Variants in FGD5 observed in about 807,000 individuals in gnomAD.
The protein encoded by FGD5 is FYVE, RhoGEF and PH domain containing 5, also known as FYVE, RhoGEF and PH domain-containing protein 5.
A neutral mutation model predicts 133.4 loss-of-function variants in FGD5; 28 were observed. That is an observed-to-expected ratio of 0.21 (90% CI 0.16 to 0.29). FGD5 has a LOEUF of 0.29. Among genes scored for constraint, FGD5 ranks in the 10% least tolerant of loss-of-function variants. FGD5 has a pLI of 1.00. For missense variants in FGD5, 1,858 were observed against 1,895.2 expected (o/e 0.98, Z 0.36); for synonymous variants, 810 against 776.5 (o/e 1.04, Z -0.72).
intron 1 of FGD5, among the ~76,000 whole-genome samples, chr3:14,823,332 C>T (rs2036540862): frequency 6.6e-6 from 1 of 152,308 alleles, no homozygotes; most frequent in East Asian, 1.9e-4. Context: ...ACCCGTCACT[C>T]CCAGAGCTGC....
At chr3:14,882,983 T>C (rs1356770700) in intron 4 of FGD5, among the ~76,000 whole-genome samples, 2 of 152,148 alleles carry the variant, frequency 1.3e-5, no homozygotes, top group East Asian at 3.9e-4. Flanking sequence ...TGTCCAGTGA[T>C]GAGGAGGAGC....
chr3:14,820,264 G>T lies in FGD5; in HGVS notation c.1193G>T (p.Gly398Val), dbSNP rs750025095. The T allele has an allele frequency of 1.1e-5, 17 of 1,604,494 alleles. No homozygotes were observed. The Admixed American group carries it at 2.5e-4, about 24-fold the overall frequency. Reference protein sequence around the residue: ...PMVGALCGQCGSLQGGAAEGP... With the variant: ...PMVGALCGQCVSLQGGAAEGP... ...GTGGGGGCTTTGTGTGGCCAGTGTG[G>T]CTCCCTACAGGGTGGAGCGGCCGAG... The change falls in exon 1 of 20, where the codon GGC (glycine) becomes GTC (valine). Residue 398 changes from glycine (G) to valine (V), a missense_variant. Around this residue, in one of 3 missense-constraint regions of FGD5, gnomAD observed 1,824 missense variants for 1,848.9 expected, o/e 0.99. Transcript: ENST00000285046.
intron 13 of FGD5, among the ~76,000 whole-genome samples, chr3:14,920,795 T>G (rs563079829): frequency 1.8e-4 from 27 of 152,166 alleles, no homozygotes; most frequent in African/African-American, 4.8e-4. Flanking sequence ...CCAGGTGAGG[T>G]GGAACTGGAG....
chr3:14,863,131 C>T (rs763535706), intron 1 of FGD5, among the ~76,000 whole-genome samples: 1 of 152,210 alleles, frequency 6.6e-6, no homozygotes, highest in Non-Finnish European at 1.5e-5. Flanking sequence ...TGCCATCCGT[C>T]AGTCATTCCA....
Position 14,922,352 on chromosome 3 carries a change from T to G in FGD5, c.3670-59T>G. Reference sequence around the variant, plus strand: ...ACGCAGGGCAGGGCTCACTGGGCTCTGCATCTGGCTGGTCTCCTGGCCACA... The same window carrying G: ...ACGCAGGGCAGGGCTCACTGGGCTCGGCATCTGGCTGGTCTCCTGGCCACA... On this transcript the variant is annotated intron_variant, in intron 14 of 19. Transcript: ENST00000285046. The surrounding 1 kb of genome is among the most constrained non-coding windows in gnomAD (Gnocchi z 4.1). The G allele has an allele frequency of 6.5e-7, 1 of 1,548,526 alleles. No individual in the cohort carries two copies. Among genetic ancestry groups the G allele is most frequent in the Non-Finnish European group, 8.7e-7 (1 of 1,144,876 alleles).
chr3:14,902,027 A>G (rs1389419060), intron 9 of FGD5, among the ~76,000 whole-genome samples: 1 of 152,044 alleles, frequency 6.6e-6, no homozygotes, highest in East Asian at 1.9e-4. Context: ...CACGCCTGTA[A>G]TCCCAGCACT....
intron 6 of FGD5, 111 bp from the exon 7 acceptor site, chr3:14,898,628 C>G (rs1339651282): frequency 5.9e-6 from 5 of 841,954 alleles, no homozygotes; most frequent in Admixed American, 2.3e-5. Context: ...GGGAGAAGTT[C>G]AGCTGGCCCG....
chr3:14,876,240 C>T (rs2037717120), intron 2 of FGD5, among the ~76,000 whole-genome samples: 1 of 152,170 alleles, frequency 6.6e-6, no homozygotes, highest in Admixed American at 6.5e-5. Context: ...GCCTCACTCC[C>T]CTGTAGCTCT....
Position 14,819,737 on chromosome 3 carries a change from C to T in FGD5, c.666C>T (p.Ala222=), listed in dbSNP as rs1350974764. 11 of 1,536,214 alleles carry T rather than the reference C, an allele frequency of 7.2e-6. No homozygotes were observed. Among genetic ancestry groups the T allele is most frequent in the Non-Finnish European group, 9.7e-6 (11 of 1,139,764 alleles). The part of the protein sequence containing the change: ...EAEEDDEEGC[A]STDPAGADEG... ...AGGAGGATGATGAGGAAGGCTGTGCCAGCACAGACCCAGCAGGGGCAGATG... is the reference window on the plus strand; with the variant it reads ...AGGAGGATGATGAGGAAGGCTGTGCTAGCACAGACCCAGCAGGGGCAGATG... The change falls in exon 1 of 20, where the codon GCC becomes GCT. Residue 222 remains alanine, a synonymous_variant. Transcript: ENST00000285046. This position sits in a 1 kb window ranked among gnomAD's most constrained non-coding sequence, Gnocchi z 4.1.
At chr3:14,868,950 G>A (rs915161491) in intron 2 of FGD5, among the ~76,000 whole-genome samples, 2 of 152,174 alleles carry the variant, frequency 1.3e-5, no homozygotes, top group Non-Finnish European at 2.9e-5. Flanking sequence ...GGGATGGAAG[G>A]TAAACCAGAA....
At chr3:14,927,093 C>A (rs1008594357) in intron 18 of FGD5, among the ~76,000 whole-genome samples, 1 of 152,158 alleles carries the variant, frequency 6.6e-6, no homozygotes, top group Admixed American at 6.5e-5. Flanking sequence ...GAAGAAATTG[C>A]TTTGGAGCCA....
At chr3:14,913,091 A>G (rs1392365986) in intron 11 of FGD5, among the ~76,000 whole-genome samples, 2 of 152,088 alleles carry the variant, frequency 1.3e-5, no homozygotes, top group South Asian at 2.1e-4. Flanking sequence ...GGGGCAGGTA[A>G]TGAGCCAGAC....
At chr3:14,891,133 A>G (rs2038017739) in intron 4 of FGD5, among the ~76,000 whole-genome samples, 1 of 152,174 alleles carries the variant, frequency 6.6e-6, no homozygotes, top group Non-Finnish European at 1.5e-5. Flanking sequence ...CTGGGATGCC[A>G]GGGCTCAGAA....
intron 1 of FGD5, among the ~76,000 whole-genome samples, chr3:14,811,118 G>C (rs112283521): frequency 6.6e-6 from 1 of 152,072 alleles, no homozygotes; most frequent in East Asian, 2.0e-4. Context: ...CGCCCTGGCC[G>C]TGCGCGCCAG....
At chr3:14,838,008 C>T (rs945920208) in intron 1 of FGD5, among the ~76,000 whole-genome samples, 1 of 152,216 alleles carries the variant, frequency 6.6e-6, no homozygotes, top group African/African-American at 2.4e-5. Context: ...TCAGCTGGGT[C>T]CTTTACTGAG....
chr3:14,836,125 C>T lies in FGD5; in HGVS notation c.2525+14529C>T, dbSNP rs542440753. 1.1e-4 allele frequency among the ~76,000 whole-genome samples: 16 copies of T among 152,276 alleles called. No homozygotes were observed. The South Asian group carries it at 2.9e-3, about 28-fold the overall frequency. ...CCATGCCACATGTTGCACAAGGAGC[C>T]GTGGTGAGAGCACGGAGACCCTGGG... On this transcript the variant is annotated intron_variant, in intron 1 of 19. Transcript: ENST00000285046.
At position 14,917,124 on chromosome 3, in the gene FGD5, C is replaced by T. The variant is rs1255377300; in HGVS notation, c.3406-125C>T. The T allele has an allele frequency of 1.2e-5, 9 of 779,876 alleles. No individual in the cohort carries two copies. Among genetic ancestry groups the T allele is most frequent in the African/African-American group, 7.1e-5 (4 of 56,476 alleles). 48.3% of individuals were successfully genotyped at this position (779,876 alleles called of 1,614,324 possible). A position where few individuals can be genotyped will look rare whatever the true frequency, so the allele number is the denominator to read the frequency against. ...ATTTTGGCCGCAACGTTTTTGCTCACCTGTGGGGGTTACTGAGGAATACAA... is the reference window on the plus strand; with the variant it reads ...ATTTTGGCCGCAACGTTTTTGCTCATCTGTGGGGGTTACTGAGGAATACAA... On this transcript the variant is annotated intron_variant, in intron 11 of 19. Transcript: ENST00000285046. This position sits in a 1 kb window ranked among gnomAD's most constrained non-coding sequence, Gnocchi z 4.1.
intron 1 of FGD5, among the ~76,000 whole-genome samples, chr3:14,825,806 G>A (rs1227017410): frequency 2.0e-5 from 3 of 152,118 alleles, no homozygotes; most frequent in Non-Finnish European, 4.4e-5. Context: ...TAGTCTTGGC[G>A]TGGGGAACCC....
intron 8 of FGD5, 133 bp from the exon 9 acceptor site, chr3:14,900,870 G>A: frequency 1.1e-6 from 1 of 920,284 alleles, no homozygotes; most frequent in Non-Finnish European, 1.8e-6. Context: ...GCATGACAGT[G>A]GTCAAATCAC....
Sources: allele counts gnomAD v4.1 joint callset (sites outside exome capture counted in the v4.1 genomes callset), GRCh38; gene constraint gnomAD v4.1.1; regional missense constraint gnomAD v4.1.1; non-coding constraint Gnocchi (gnomAD v3.1); transcripts MANE v1.5; gene names NCBI Gene and HGNC (gene_info 2026-07-23, HGNC 2026-07-21).